The following TCERG1L variants were observed in gnomAD, a reference collection of about 807,000 sequenced individuals.
The protein encoded by TCERG1L is transcription elongation regulator 1-like protein.
In TCERG1L, 37 loss-of-function variants were observed where a neutral mutation model predicts 56.3. The observed-to-expected ratio is 0.66, with a 90% CI of 0.51 to 0.87. The LOEUF (loss-of-function observed/expected upper bound fraction) is 0.87. Ranked by LOEUF, TCERG1L falls within the 40% of genes least tolerant of loss-of-function variation. The pLI, the probability that TCERG1L is intolerant of heterozygous loss-of-function variation, is 0.00. For synonymous variants in TCERG1L, 324 were observed against 326.3 expected (o/e 0.99, Z 0.08); for missense variants, 799 against 774.2 (o/e 1.03, Z -0.38).
intron 4 of TCERG1L, among the ~76,000 whole-genome samples, chr10:131,199,843 T>A (rs990812155): frequency 6.6e-6 from 1 of 152,160 alleles, no homozygotes; most frequent in African/African-American, 2.4e-5. Flanking sequence ...CCACCCCTCG[T>A]TCTCTTTCGC....
At chr10:131,236,282 T>C (rs887057180) in intron 4 of TCERG1L, among the ~76,000 whole-genome samples, 2 of 152,186 alleles carry the variant, frequency 1.3e-5, no homozygotes, top group Admixed American at 1.3e-4. Flanking sequence ...AACCACACAA[T>C]TGTTCTCCGT....
intron 4 of TCERG1L, among the ~76,000 whole-genome samples, chr10:131,167,842 C>T (rs1846049025): frequency 6.6e-6 from 1 of 152,210 alleles, no homozygotes; most frequent in Admixed American, 6.5e-5. Flanking sequence ...AAATGTCTAT[C>T]TAACTCTCAA....
intron 3 of TCERG1L, among the ~76,000 whole-genome samples, chr10:131,287,777 C>A (rs1846562091): frequency 6.6e-6 from 1 of 152,098 alleles, no homozygotes; most frequent in Non-Finnish European, 1.5e-5. Flanking sequence ...AATCATAATG[C>A]AATTAACTCT....
intron 3 of TCERG1L, among the ~76,000 whole-genome samples, chr10:131,285,451 A>G (rs548394511): frequency 0.012 from 1,777 of 143,924 alleles, 38 homozygotes; most frequent in East Asian, 0.044. Context: ...GAAACAAAGA[A>G]AGAGAGAGAA....
At chr10:131,156,412 C>T (rs1845923230) in intron 6 of TCERG1L, 1 of 151,918 alleles carries the variant, frequency 6.6e-6, no homozygotes. Flanking sequence ...CAACTAAGGA[C>T]AAGTCATTAG....
chr10:131,168,083 G>GT (rs1301704519), intron 4 of TCERG1L, among the ~76,000 whole-genome samples: 1 of 152,140 alleles, frequency 6.6e-6, no homozygotes, highest in Non-Finnish European at 1.5e-5. Flanking sequence ...GTGCAGTCAG[G>GT]GAGGCCTGGG....
At chr10:131,262,195 T>A (rs1371469088) in intron 3 of TCERG1L, among the ~76,000 whole-genome samples, 1 of 152,162 alleles carries the variant, frequency 6.6e-6, no homozygotes, top group Non-Finnish European at 1.5e-5. Context: ...AGGCCAGCTC[T>A]GAGTCTCAGC....
chr10:131,100,639 C>T (rs1845295834), intron 10 of TCERG1L, among the ~76,000 whole-genome samples: 1 of 152,206 alleles, frequency 6.6e-6, no homozygotes, highest in Admixed American at 6.5e-5. Context: ...TTCACACTCC[C>T]TCGACCCTGA....
At chr10:131,278,076 G>A (rs1050838252) in intron 3 of TCERG1L, among the ~76,000 whole-genome samples, 3 of 151,910 alleles carry the variant, frequency 2.0e-5, no homozygotes, top group South Asian at 2.1e-4. Flanking sequence ...AGGGGCTCCC[G>A]GCTCCTGCCT....
chr10:131,178,760 C>A (rs1845138404), intron 4 of TCERG1L, among the ~76,000 whole-genome samples: 1 of 152,194 alleles, frequency 6.6e-6, no homozygotes, highest in African/African-American at 2.4e-5. Context: ...CAGGCATCTG[C>A]CCGTTCTATG....
intron 7 of TCERG1L, among the ~76,000 whole-genome samples, chr10:131,136,054 C>T (rs1845672777): frequency 6.6e-6 from 1 of 152,212 alleles, no homozygotes; most frequent in African/African-American, 2.4e-5. Context: ...CCCCTCCCCA[C>T]CATGCTAACG....
rs199736975 is a variant in TCERG1L, at chr10:131,298,421, CT to C, written c.670+9789del. Among the ~76,000 whole-genome samples, 206 of 149,428 alleles carry C rather than the reference CT, an allele frequency of 1.4e-3. 1 individual carries two copies. Among genetic ancestry groups the C allele is most frequent in the Admixed American group, 3.3e-3 (50 of 14,994 alleles). ...GTGGTCGGAAAATAAATTGTGTAAA[CT>C]TTTTTTTTTGAGACAGAGTCTCACT... On this transcript the variant is annotated intron_variant, in intron 3 of 11. Coordinates refer to ENST00000368642, the MANE Select transcript of TCERG1L (RefSeq NM_174937.4).
intron 4 of TCERG1L, among the ~76,000 whole-genome samples, chr10:131,169,276 A>G (rs914851136): frequency 1.3e-5 from 2 of 149,188 alleles, no homozygotes; most frequent in East Asian, 2.1e-4. Context: ...GCAGATGGGG[A>G]CACAGCCATG....
At chr10:131,187,868 G>A (rs919751412) in intron 4 of TCERG1L, among the ~76,000 whole-genome samples, 3 of 152,220 alleles carry the variant, frequency 2.0e-5, no homozygotes, top group African/African-American at 7.2e-5. Flanking sequence ...AGCATCCTCT[G>A]CAGAGGGGAG....
intron 4 of TCERG1L, among the ~76,000 whole-genome samples, chr10:131,210,114 GA>G (rs1205536277): frequency 1.3e-5 from 2 of 152,224 alleles, no homozygotes; most frequent in Non-Finnish European, 2.9e-5. Context: ...TATTCAACAT[GA>G]AATCCATTGC....
At chr10:131,139,721 T>C (rs984238726) in intron 7 of TCERG1L, among the ~76,000 whole-genome samples, 2 of 152,178 alleles carry the variant, frequency 1.3e-5, no homozygotes, top group Middle Eastern at 6.8e-3. Context: ...TCTGTGTGTA[T>C]GTGTGCCTGT....
At chr10:131,271,541 C>T (rs142897651) in intron 3 of TCERG1L, among the ~76,000 whole-genome samples, 4 of 152,356 alleles carry the variant, frequency 2.6e-5, no homozygotes, top group East Asian at 3.9e-4. Context: ...CCAAAAGGAG[C>T]GTGCTGGCGT....
chr10:131,164,647 T>C (rs933508566), intron 5 of TCERG1L, among the ~76,000 whole-genome samples: 2 of 152,204 alleles, frequency 1.3e-5, no homozygotes, highest in African/African-American at 2.4e-5. Flanking sequence ...GGATTAAAAA[T>C]ACCAGTGCCT....
At chr10:131,242,970 C>G (rs1845989619) in intron 4 of TCERG1L, among the ~76,000 whole-genome samples, 1 of 152,176 alleles carries the variant, frequency 6.6e-6, no homozygotes, top group Admixed American at 6.5e-5. Flanking sequence ...GGACGTCAAT[C>G]TCCACGTGTT....
Sources: allele counts gnomAD v4.1 joint callset (sites outside exome capture counted in the v4.1 genomes callset), GRCh38; gene constraint gnomAD v4.1.1; transcripts MANE v1.5; gene names NCBI Gene and HGNC (gene_info 2026-07-23, HGNC 2026-07-21).